LAMA2: variants seen among roughly 807,000 people sequenced by gnomAD.
LAMA2 encodes laminin subunit alpha-2.
Under a neutral mutation model 364.8 loss-of-function variants are expected in LAMA2, and 269 were observed. The ratio of observed to expected loss-of-function variants is 0.74; its 90% CI spans 0.67 to 0.82. The LOEUF (loss-of-function observed/expected upper bound fraction) is 0.82, where lower values mean the gene tolerates loss of function less well. Ranked by LOEUF, LAMA2 falls within the 40% of genes least tolerant of loss-of-function variation. LAMA2 has a pLI of 0.00. For missense variants in LAMA2, 3,807 were observed against 3,873.2 expected, an observed-to-expected ratio of 0.98 and a Z score of 0.45; for synonymous variants, 1,379 against 1,370.6, an observed-to-expected ratio of 1.01 and a Z score of -0.14.
At chr6:129,048,462 T>G (rs1319432877) in intron 1 of LAMA2, among the ~76,000 whole-genome samples, 1 of 40,522 alleles carries the variant, frequency 2.5e-5, no homozygotes, top group African/African-American at 7.8e-5. Context: ...CTTTCTTTCT[T>G]TCTTTCTTTC....
chr6:129,246,768 G>A (rs933242227), intron 12 of LAMA2, among the ~76,000 whole-genome samples: 1 of 152,134 alleles, frequency 6.6e-6, no homozygotes, highest in African/African-American at 2.4e-5. Context: ...GTGCAGAAGC[G>A]AGGGCAAGGA....
chr6:129,304,178 A>G (rs1773720931), intron 22 of LAMA2, among the ~76,000 whole-genome samples: 1 of 152,202 alleles, frequency 6.6e-6, no homozygotes, highest in Non-Finnish European at 1.5e-5. Context: ...AGTTTTGCCT[A>G]ATAAATGTGA....
intron 58 of LAMA2, among the ~76,000 whole-genome samples, chr6:129,501,296 G>T (rs1280834178): frequency 6.6e-6 from 1 of 152,170 alleles, no homozygotes. Context: ...TCAGCTGTGC[G>T]AATGAATAGC....
chr6:129,486,612 C>A lies in LAMA2; in HGVS notation c.7888C>A (p.Arg2630=), dbSNP rs727502851. 1.9e-6 allele frequency: 3 copies of A among 1,613,378 alleles called. No individual in the cohort carries two copies. Among genetic ancestry groups the A allele is most frequent in the East Asian group, 2.2e-5 (1 of 44,858 alleles). Residue 2630 remains arginine (R), a synonymous_variant, in exon 56 of 65, where the codon CGA becomes AGA. Transcript: ENST00000421865. ...AAGAGAACATTCCGTTCATGTAGAG[C>A]GAACTAGAGGGTAACAATAGCACTA... The part of the protein sequence containing the change: ...DGREHSVHVE[R]TRGIFTVQVD...
chr6:129,231,407 G>A lies in LAMA2; in HGVS notation c.1783-18705G>A, dbSNP rs147515621. Among the ~76,000 whole-genome samples the A allele has an allele frequency of 1.2e-4, 19 of 152,168 alleles. No homozygotes were observed. The South Asian group carries it at 1.5e-3, about 12-fold the overall frequency. On this transcript the variant is annotated intron_variant, in intron 12 of 64. Transcript: ENST00000421865. ...TTAAGTGTTCATGTGTATACCTGGC[G>A]CAGAGTTAATTGTTTTGCCTGCATT...
chr6:129,225,718 A>T (rs370316561), intron 12 of LAMA2, among the ~76,000 whole-genome samples: 3 of 151,870 alleles, frequency 2.0e-5, no homozygotes, highest in Non-Finnish European at 2.9e-5. Context: ...ATAATTTCTG[A>T]TCTTTTACAT....
chr6:129,456,596 C>A, intron 48 of LAMA2, 102 bp downstream of exon 48: 3 of 1,076,836 alleles, frequency 2.8e-6, no homozygotes, highest in Non-Finnish European at 4.3e-6. Flanking sequence ...AACTTGATCA[C>A]GTTTTACTTA....
At chr6:129,499,160 A>G (rs1386878592) in intron 58 of LAMA2, among the ~76,000 whole-genome samples, 1 of 152,120 alleles carries the variant, frequency 6.6e-6, no homozygotes, top group African/African-American at 2.4e-5. Flanking sequence ...TCCTCCTTTC[A>G]TATCCCATTT....
intron 42 of LAMA2, 55 bp downstream of exon 42, chr6:129,438,817 G>A (rs1781961321): frequency 6.6e-6 from 6 of 903,720 alleles, no homozygotes; most frequent in Non-Finnish European, 1.1e-5. Flanking sequence ...TTTGAAGACT[G>A]TTGTTAACTT....
At chr6:129,225,760 G>A (rs1287182018) in intron 12 of LAMA2, among the ~76,000 whole-genome samples, 1 of 152,098 alleles carries the variant, frequency 6.6e-6, no homozygotes, top group Non-Finnish European at 1.5e-5. Context: ...CCAACTATGT[G>A]GTCAATTTTG....
At position 129,093,289 on chromosome 6, in the gene LAMA2, G is replaced by A. The variant is rs1034454118; in HGVS notation, c.397-4884G>A. ...CAGGCGTGAGCCACCGTGCCCGGCC[G>A]AGGATTTTTTTTTTTTTTTAAATCA... On this transcript the variant is annotated intron_variant, in intron 3 of 64. Coordinates refer to ENST00000421865, the MANE Select transcript of LAMA2 (RefSeq NM_000426.4). Among the ~76,000 whole-genome samples the A allele has an allele frequency of 2.2e-4, 7 of 31,754 alleles. No individual in the cohort carries two copies. The East Asian group carries it at 4.5e-3, about 20-fold the overall frequency. 20.8% of individuals were successfully genotyped at this position (31,754 alleles called of 152,430 possible). A position where few individuals can be genotyped will look rare whatever the true frequency, so the allele number is the denominator to read the frequency against.
chr6:129,274,334 T>C (rs1788149692), intron 17 of LAMA2, among the ~76,000 whole-genome samples: 1 of 151,860 alleles, frequency 6.6e-6, no homozygotes, highest in Non-Finnish European at 1.5e-5. Flanking sequence ...ACTGTTATAA[T>C]GTGAGCTAGA....
chr6:129,057,499 A>G (rs1788568033), intron 2 of LAMA2, among the ~76,000 whole-genome samples: 1 of 152,220 alleles, frequency 6.6e-6, no homozygotes, highest in Non-Finnish European at 1.5e-5. Flanking sequence ...GGAGGTTATT[A>G]TTACTTGGAA....
chr6:129,019,605 C>T (rs1162435152), intron 1 of LAMA2, among the ~76,000 whole-genome samples: 1 of 152,028 alleles, frequency 6.6e-6, no homozygotes, highest in Non-Finnish European at 1.5e-5. Flanking sequence ...TAGCAGTTTG[C>T]TTTTAAAAAT....
rs181030323 is a variant in LAMA2, at chr6:129,132,201, C to T, written c.640-11700C>T. Among the ~76,000 whole-genome samples, 1,217 of 149,552 alleles carry T rather than the reference C, an allele frequency of 8.1e-3. 13 individuals carry two copies. Among genetic ancestry groups the T allele is most frequent in the African/African-American group, 0.028 (1,147 of 40,322 alleles). ...TTTTTTTTTGAGACAGAGTCTCGCT[C>T]TGTCACCCAGGCTGGAGTGCAGTGG... is the stretch of plus-strand genomic sequence containing the variant. On this transcript the variant is annotated intron_variant, in intron 4 of 64. Coordinates refer to ENST00000421865, the MANE Select transcript of LAMA2 (RefSeq NM_000426.4).
At chr6:129,345,656 A>C (rs1025796200) in intron 30 of LAMA2, among the ~76,000 whole-genome samples, 5 of 152,184 alleles carry the variant, frequency 3.3e-5, no homozygotes, top group African/African-American at 1.2e-4. Context: ...ACTTTTTTAT[A>C]TCATAAGCCA....
chr6:128,922,829 T>C (rs941228392), intron 1 of LAMA2, among the ~76,000 whole-genome samples: 1 of 152,250 alleles, frequency 6.6e-6, no homozygotes, highest in Non-Finnish European at 1.5e-5. Flanking sequence ...TTCTAGTGTT[T>C]TTATGGTTTT....
intron 34 of LAMA2, among the ~76,000 whole-genome samples, chr6:129,373,983 G>A (rs932584728): frequency 6.6e-6 from 1 of 152,072 alleles, no homozygotes; most frequent in Non-Finnish European, 1.5e-5. Flanking sequence ...TTCAGATTCA[G>A]TAACATAAAA....
intron 10 of LAMA2, 73 bp downstream of exon 10, chr6:129,177,939 CCTT>C (rs761421014): frequency 1.7e-4 from 253 of 1,471,728 alleles, no homozygotes; most frequent in Non-Finnish European, 2.4e-4. Context: ...CTGTTGATTT[CCTT>C]GGCATTAAGC....
Sources: allele counts gnomAD v4.1 joint callset (sites outside exome capture counted in the v4.1 genomes callset), GRCh38; gene constraint gnomAD v4.1.1; transcripts MANE v1.5; gene names NCBI Gene and HGNC (gene_info 2026-07-23, HGNC 2026-07-21).